CAPN7: variants seen among roughly 807,000 people sequenced by gnomAD.
CAPN7 encodes the protein calpain 7.
A neutral mutation model predicts 115.2 loss-of-function variants in CAPN7; 72 were observed. The observed-to-expected ratio is 0.63, with a 90% CI of 0.52 to 0.76. The LOEUF is 0.76. CAPN7 is among the 30% of genes least tolerant of loss of function. The pLI, the probability that CAPN7 is intolerant of heterozygous loss-of-function variation, is 0.00. For missense variants in CAPN7, 905 were observed against 971.5 expected (o/e 0.93, Z 0.91); for synonymous variants, 344 against 322.3 (o/e 1.07, Z -0.72).
Position 15,251,679 on chromosome 3 carries a change from T to C in CAPN7, c.*419T>C, listed in dbSNP as rs1696011616. On this transcript the variant is annotated 3_prime_UTR_variant, in exon 21 of 21. Transcript: ENST00000253693. ...ACCGAAATATTTCCATTGTTTCCCT[T>C]TTTTGCAGAGCATGTGGAAGTTAAA... is the stretch of plus-strand genomic sequence containing the variant. The C allele has an allele frequency of 6.5e-6, 1 of 153,594 alleles. No homozygotes were observed. The highest frequency in any genetic ancestry group is 1.4e-5 in the Non-Finnish European group (1 of 69,028). 9.5% of individuals were successfully genotyped at this position (153,594 alleles called of 1,614,324 possible).
At chr3:15,249,867 C>T (rs925058809) in intron 19 of CAPN7, among the ~76,000 whole-genome samples, 2 of 151,178 alleles carry the variant, frequency 1.3e-5, no homozygotes, top group East Asian at 2.0e-4. Context: ...TGGGTTCAAG[C>T]GATTCTCCTG....
Position 15,246,779 on chromosome 3 carries a change from C to T in CAPN7, c.2058C>T (p.Tyr686=), listed in dbSNP as rs772620309. ...CTTTTTCAAAGATTCCTTCACCATA[C>T]ACCTTATCAAAACGGGTGAGAAAAT... The part of the protein sequence containing the change: ...SFTFSKIPSP[Y]TLSKRINGKW... Residue 686 remains tyrosine, a synonymous_variant, in exon 18 of 21, where the codon TAC becomes TAT. Coordinates refer to ENST00000253693, the MANE Select transcript of CAPN7 (RefSeq NM_014296.3). 4.7e-5 allele frequency: 76 copies of T among 1,604,672 alleles called. No individual in the cohort carries two copies. The highest frequency in any genetic ancestry group is 6.4e-5 in the Non-Finnish European group (75 of 1,174,674).
At chr3:15,228,278 T>A (rs1384890909) in intron 7 of CAPN7, among the ~76,000 whole-genome samples, 1 of 152,198 alleles carries the variant, frequency 6.6e-6, no homozygotes, top group Admixed American at 6.5e-5. Context: ...TTTAATTATT[T>A]GAGTAATTAT....
At chr3:15,242,000 G>A (rs926857263) in intron 15 of CAPN7, among the ~76,000 whole-genome samples, 178 bp from the exon 16 acceptor site, 1 of 152,134 alleles carries the variant, frequency 6.6e-6, no homozygotes, top group Non-Finnish European at 1.5e-5. Flanking sequence ...CTATTAAAAT[G>A]ACAATTTAAT....
chr3:15,217,858 A>G (rs1693731457), intron 3 of CAPN7, among the ~76,000 whole-genome samples: 2 of 152,254 alleles, frequency 1.3e-5, no homozygotes, highest in Non-Finnish European at 2.9e-5. Context: ...AGAATTCATT[A>G]TCACAAATCT....
At chr3:15,228,816 C>A (rs924345837) in intron 7 of CAPN7, among the ~76,000 whole-genome samples, 158 bp from the exon 8 acceptor site, 1 of 152,084 alleles carries the variant, frequency 6.6e-6, no homozygotes, top group Non-Finnish European at 1.5e-5. Context: ...CACGAGTTCA[C>A]CTATGTTACC....
chr3:15,209,502 G>A (rs925031720), intron 1 of CAPN7, among the ~76,000 whole-genome samples: 1 of 152,138 alleles, frequency 6.6e-6, no homozygotes, highest in Non-Finnish European at 1.5e-5. Flanking sequence ...AGGAACATTT[G>A]AATTAATCTA....
chr3:15,213,561 A>G (rs544460162), intron 2 of CAPN7, among the ~76,000 whole-genome samples: 8 of 152,322 alleles, frequency 5.3e-5, no homozygotes, highest in African/African-American at 1.2e-4. Context: ...AGCCTAAGGT[A>G]TATTTCCATC....
intron 1 of CAPN7, among the ~76,000 whole-genome samples, chr3:15,209,837 C>G (rs567070405): frequency 1.2e-3 from 180 of 152,092 alleles, no homozygotes; most frequent in Non-Finnish European, 2.2e-3. Context: ...TTTGAGAAAG[C>G]CAAAAAAAGT....
chr3:15,238,849 ATTTT>A (rs59838740), intron 12 of CAPN7, among the ~76,000 whole-genome samples: 3 of 114,006 alleles, frequency 2.6e-5, no homozygotes, highest in African/African-American at 7.7e-5. Context: ...GCAAAATCAA[ATTTT>A]TTTTTTTTTT....
At chr3:15,212,060 T>C in intron 1 of CAPN7, 44 bp from the exon 2 acceptor site, 3 of 1,203,768 alleles carry the variant, frequency 2.5e-6, no homozygotes, top group Non-Finnish European at 3.5e-6. Context: ...AAAATTCAAG[T>C]TGTAATACAT....
At chr3:15,207,007 C>T (rs1308742320) in intron 1 of CAPN7, among the ~76,000 whole-genome samples, 1 of 152,242 alleles carries the variant, frequency 6.6e-6, no homozygotes, top group Non-Finnish European at 1.5e-5. Context: ...TAAAAACCAT[C>T]TCCTGTCATA....
At chr3:15,241,229 G>A (rs915463949) in intron 14 of CAPN7, among the ~76,000 whole-genome samples, 1 of 151,994 alleles carries the variant, frequency 6.6e-6, no homozygotes, top group Non-Finnish European at 1.5e-5. Flanking sequence ...ATAACGGAAT[G>A]GTTAATTTAG....
intron 6 of CAPN7, among the ~76,000 whole-genome samples, chr3:15,224,344 C>G (rs943731984): frequency 5.3e-5 from 8 of 151,062 alleles, no homozygotes; most frequent in Non-Finnish European, 1.0e-4. Flanking sequence ...GTGATCATGA[C>G]TCACTGCAGC....
chr3:15,208,132 T>C (rs1339199393), intron 1 of CAPN7, among the ~76,000 whole-genome samples: 1 of 152,174 alleles, frequency 6.6e-6, no homozygotes, highest in Admixed American at 6.5e-5. Flanking sequence ...CACTATCATA[T>C]ATTCAGTCTG....
Position 15,236,096 on chromosome 3 carries a change from A to G in CAPN7, c.1407+951A>G, listed in dbSNP as rs144546496. ...TGAGGTGGGAAGATTGCTTGAGCAC[A>G]GAAGATCAAGGCTGCATTGAGCCAT... On this transcript the variant is annotated intron_variant, in intron 12 of 20. Coordinates refer to ENST00000253693, the MANE Select transcript of CAPN7 (RefSeq NM_014296.3). Among the ~76,000 whole-genome samples, 259 of 152,334 alleles carry G rather than the reference A, an allele frequency of 1.7e-3. 1 individual carries two copies. Among genetic ancestry groups the G allele is most frequent in the African/African-American group, 5.7e-3 (235 of 41,576 alleles).
rs374510064 is a variant in CAPN7, at chr3:15,240,739, G to T, written c.1553-15G>T. 7 of 1,585,336 alleles carry T rather than the reference G, an allele frequency of 4.4e-6. No homozygotes were observed. The highest frequency in any genetic ancestry group is 6.0e-6 in the Non-Finnish European group (7 of 1,158,668). The stretch of plus-strand genomic sequence containing the variant: ...ATTAAGATTTTTTTAGATTAACAAA[G>T]ATATTAATTTTCAGGAATATTTTGG... On this transcript the variant is annotated splice_polypyrimidine_tract_variant and intron_variant, in intron 13 of 20. Coordinates refer to ENST00000253693, the MANE Select transcript of CAPN7 (RefSeq NM_014296.3).
chr3:15,209,577 A>G (rs541053932), intron 1 of CAPN7, among the ~76,000 whole-genome samples: 1 of 152,332 alleles, frequency 6.6e-6, no homozygotes, highest in South Asian at 2.1e-4. Context: ...TCTTAACAGT[A>G]GGTCTCATTC....
At position 15,232,533 on chromosome 3, in the gene CAPN7, C is replaced by A; in HGVS notation, c.1047C>A (p.Asp349Glu). The A allele has an allele frequency of 6.2e-7, 1 of 1,607,368 alleles. No homozygotes were observed. Among genetic ancestry groups the A allele is most frequent in the Non-Finnish European group, 8.5e-7 (1 of 1,177,436 alleles). ...NGVPRKVIIDDQLPVDHKGEL... is the reference protein window; with the variant it reads ...NGVPRKVIIDEQLPVDHKGEL... ...TCTTTCTCCAGGTGATAATTGATGA[C>A]CAGTTACCTGTTGATCACAAGGGAG... Residue 349 changes from aspartate (D) to glutamate (E), a missense_variant, in exon 10 of 21, where the codon GAC becomes GAA. Physicochemically the swap from Asp to Glu is conservative, Grantham distance 45. Coordinates refer to ENST00000253693, the MANE Select transcript of CAPN7 (RefSeq NM_014296.3).
Sources: gnomAD v4.1 joint callset for allele counts (sites outside exome capture counted in the v4.1 genomes callset) on GRCh38, gnomAD v4.1.1 for gene constraint, MANE v1.5 for transcripts, NCBI Gene and HGNC (gene_info 2026-07-23, HGNC 2026-07-21) for gene names.